Variants in RUNX1 observed in about 807,000 individuals in gnomAD.
The protein encoded by RUNX1 is runt-related transcription factor 1.
RUNX1 carries 19 observed loss-of-function variants against 42.8 expected under a neutral mutation model. That is an observed-to-expected ratio of 0.44 (90% CI 0.31 to 0.65). The LOEUF (loss-of-function observed/expected upper bound fraction) is 0.65, where lower values mean the gene tolerates loss of function less well. Ranked by LOEUF, RUNX1 falls within the 30% of genes least tolerant of loss-of-function variation. The pLI, the probability that RUNX1 is intolerant of heterozygous loss-of-function variation, is 0.07. For synonymous variants in RUNX1, 271 were observed against 289.4 expected (o/e 0.94, Z 0.64); for missense variants, 528 against 672.0 (o/e 0.79, Z 2.37).
chr21:34,900,579 G>A (rs1311757850), intron 2 of RUNX1, among the ~76,000 whole-genome samples: 2 of 152,194 alleles, frequency 1.3e-5, no homozygotes, highest in South Asian at 4.1e-4. Context: ...AGCAATAACT[G>A]AGTTGCAAAG....
chr21:34,821,633 G>C (rs1317790066), intron 7 of RUNX1: 2 of 1,561,202 alleles, frequency 1.3e-6, no homozygotes, highest in Admixed American at 3.8e-5. Context: ...TATCCTGGCT[G>C]GGGAGAGGGA....
At chr21:34,917,686 C>T (rs745313728) in intron 2 of RUNX1, among the ~76,000 whole-genome samples, 1 of 152,156 alleles carries the variant, frequency 6.6e-6, no homozygotes, top group Non-Finnish European at 1.5e-5. Context: ...AAGCCTGGAA[C>T]GTTGAGCCCT....
intron 3 of RUNX1, chr21:34,887,771 A>C (rs961951732): frequency 3.3e-5 from 35 of 1,062,532 alleles, no homozygotes; most frequent in Non-Finnish European, 3.8e-5. Context: ...AACACAACAG[A>C]AATCCATTAA....
intron 2 of RUNX1, among the ~76,000 whole-genome samples, chr21:34,899,206 G>T (rs114200434): frequency 2.0e-5 from 3 of 152,170 alleles, no homozygotes; most frequent in African/African-American, 7.2e-5. Context: ...GAGCTACCAC[G>T]CCTGGTGCGA....
intron 5 of RUNX1, among the ~76,000 whole-genome samples, chr21:34,870,509 A>T (rs982904977): frequency 3.3e-5 from 5 of 152,228 alleles, no homozygotes; most frequent in African/African-American, 1.2e-4. Context: ...GCCCCTGAGT[A>T]GAGGCCAGGG....
chr21:35,022,141 T>C (rs2146946846), intron 2 of RUNX1, among the ~76,000 whole-genome samples: 1 of 152,318 alleles, frequency 6.6e-6, no homozygotes, highest in South Asian at 2.1e-4. Flanking sequence ...AGAGCGGGTG[T>C]AGACAATAGT....
intron 2 of RUNX1, among the ~76,000 whole-genome samples, chr21:34,914,170 G>T (rs978902871): frequency 3.3e-5 from 5 of 152,182 alleles, no homozygotes; most frequent in African/African-American, 1.2e-4. Context: ...TTCTGAGAGC[G>T]GCTGTCTCCT....
chr21:34,860,385 A>G (rs922108722), intron 5 of RUNX1, among the ~76,000 whole-genome samples: 1 of 152,244 alleles, frequency 6.6e-6, no homozygotes, highest in Non-Finnish European at 1.5e-5. Context: ...AGACACCTCT[A>G]TGTTCCTCAG....
intron 2 of RUNX1, among the ~76,000 whole-genome samples, chr21:34,972,343 T>A (rs1052243573): frequency 3.3e-5 from 5 of 152,240 alleles, no homozygotes; most frequent in African/African-American, 4.8e-5. Flanking sequence ...ATAGAAGTTT[T>A]ACTAGGTTCC....
At chr21:34,860,786 T>C (rs1482096453) in intron 5 of RUNX1, among the ~76,000 whole-genome samples, 3 of 152,126 alleles carry the variant, frequency 2.0e-5, no homozygotes, top group East Asian at 1.9e-4. Flanking sequence ...ACAAATGTCA[T>C]GCGTGTCTTA....
At position 34,923,336 on chromosome 21, in the gene RUNX1, T is replaced by C. The variant is rs1212617530; in HGVS notation, c.59-30373A>G. ...GTGGGCTGTCACTGTCAGTTAGCTT[T>C]GTGGTTTTCATTTCTTTCCAGTTCA... On this transcript the variant is annotated intron_variant, in intron 2 of 8. Transcript: ENST00000675419. Among the ~76,000 whole-genome samples the C allele has an allele frequency of 3.3e-5, 5 of 152,216 alleles. No homozygotes were observed. In the East Asian group the frequency reaches 9.6e-4, roughly 29 times the overall value.
At position 34,967,319 on chromosome 21, in the gene RUNX1, CAAAAAAAAAAAAAAA is replaced by C. The variant is rs398036394; in HGVS notation, c.59-74371_59-74357del. On this transcript the variant is annotated intron_variant, in intron 2 of 8. Coordinates refer to ENST00000675419, the MANE Select transcript of RUNX1 (RefSeq NM_001754.5). ...CAGGCGACAGTGTGAGACTCGGTCT[CAAAAAAAAAAAAAAA>C]AAAAAAAAAAAAAAAAAAGAAGAAT... is the stretch of plus-strand genomic sequence containing the variant. Among the ~76,000 whole-genome samples, 89 of 15,654 alleles carry C rather than the reference CAAAAAAAAAAAAAAA, an allele frequency of 5.7e-3. No homozygotes were observed. In the Admixed American group the frequency reaches 0.057, roughly 10 times the overall value. The allele number at this position is 15,654 out of a possible 152,430, so 10.3% of individuals were successfully genotyped here.
At chr21:34,851,589 G>A (rs2284615) in intron 6 of RUNX1, among the ~76,000 whole-genome samples, 49,082 of 150,872 alleles carry the variant, frequency 0.33, 8,243 homozygotes, top group East Asian at 0.48. Context: ...TGCAGACAGG[G>A]TTTTTTTTTT....
At chr21:34,970,058 A>G (rs947278337) in intron 2 of RUNX1, among the ~76,000 whole-genome samples, 1 of 152,232 alleles carries the variant, frequency 6.6e-6, no homozygotes, top group Non-Finnish European at 1.5e-5. Flanking sequence ...GCCTCCAGAG[A>G]TAATTACTTT....
At chr21:35,018,078 T>G (rs867976529) in intron 2 of RUNX1, among the ~76,000 whole-genome samples, 1 of 152,160 alleles carries the variant, frequency 6.6e-6, no homozygotes, top group African/African-American at 2.4e-5. Context: ...CAGGCTGGAG[T>G]GCACTGGTGC....
chr21:34,874,969 G>A (rs927387748), intron 5 of RUNX1, among the ~76,000 whole-genome samples: 5 of 152,236 alleles, frequency 3.3e-5, no homozygotes, highest in Admixed American at 2.0e-4. Flanking sequence ...AACACAAGCC[G>A]GCTGGCAAGG....
At chr21:34,806,301 T>A (rs1403464357) in intron 7 of RUNX1, among the ~76,000 whole-genome samples, 1 of 152,190 alleles carries the variant, frequency 6.6e-6, no homozygotes, top group Non-Finnish European at 1.5e-5. Flanking sequence ...AGGTACACCA[T>A]GCTAACACTG....
At chr21:34,952,165 G>T (rs1343606685) in intron 2 of RUNX1, among the ~76,000 whole-genome samples, 4 of 152,142 alleles carry the variant, frequency 2.6e-5, no homozygotes, top group African/African-American at 4.8e-5. Flanking sequence ...TCATAAGTGT[G>T]AGTTGAACAA....
At chr21:34,926,461 CAAAAAAAAAAAAAA>C (rs1188609077) in intron 2 of RUNX1, among the ~76,000 whole-genome samples, 9 of 7,148 alleles carry the variant, frequency 1.3e-3, no homozygotes, top group Non-Finnish European at 2.7e-3. Context: ...GACCCAGTCT[CAAAAAAAAAAAAAA>C]AAAAAAAAAA....
Sources: allele counts gnomAD v4.1 joint callset (sites outside exome capture counted in the v4.1 genomes callset), GRCh38; gene constraint gnomAD v4.1.1; transcripts MANE v1.5; gene names NCBI Gene and HGNC (gene_info 2026-07-23, HGNC 2026-07-21).